KAZN: variants seen among roughly 807,000 people sequenced by gnomAD.
KAZN encodes kazrin.
A neutral mutation model predicts 87.4 loss-of-function variants in KAZN; 40 were observed. That is an observed-to-expected ratio of 0.46 (90% CI 0.36 to 0.60). The LOEUF (loss-of-function observed/expected upper bound fraction) is 0.60. KAZN is among the 20% of genes least tolerant of loss of function. KAZN has a pLI of 0.00. For missense variants in KAZN, 898 were observed against 1,073.9 expected (o/e 0.84, Z 2.29); for synonymous variants, 466 against 458.3 (o/e 1.02, Z -0.22).
In KAZN at chr1:15,089,997, C is replaced by T. The variant is rs960954034; in HGVS notation, c.1223-4183C>T. Among the ~76,000 whole-genome samples, 3 of 152,318 alleles carry T rather than the reference C, an allele frequency of 2.0e-5. No individual in the cohort carries two copies. The South Asian group carries it at 6.2e-4, about 32-fold the overall frequency. On this transcript the variant is annotated intron_variant, in intron 8 of 14. Coordinates refer to ENST00000376030, the MANE Select transcript of KAZN (RefSeq NM_201628.3). The stretch of plus-strand genomic sequence containing the variant: ...CATGAGTTCCCCTCCTTCGTGATTT[C>T]CCGGCTCTAATTCTTCTGGTTCTGA...
intron 1 of KAZN, among the ~76,000 whole-genome samples, chr1:14,899,254 G>A (rs763072311): frequency 6.6e-5 from 10 of 152,236 alleles, no homozygotes; most frequent in Non-Finnish European, 1.5e-4. Flanking sequence ...GGATGAGGGT[G>A]CCTGGAGACT....
intron 1 of KAZN, among the ~76,000 whole-genome samples, chr1:14,732,637 TCAAAA>T (rs1442431143): frequency 6.6e-6 from 1 of 152,148 alleles, no homozygotes; most frequent in Non-Finnish European, 1.5e-5. Flanking sequence ...AGACTCTGTC[TCAAAA>T]CAAAAGGAAA....
chr1:14,440,382 C>T (rs1230401507), intron 2 of KAZN, among the ~76,000 whole-genome samples: 1 of 152,146 alleles, frequency 6.6e-6, no homozygotes, highest in East Asian at 1.9e-4. Context: ...GAAATAAATT[C>T]TTTGCTGTAG....
chr1:14,719,675 C>T (rs1642991704), intron 1 of KAZN, among the ~76,000 whole-genome samples: 1 of 152,226 alleles, frequency 6.6e-6, no homozygotes, highest in Non-Finnish European at 1.5e-5. Flanking sequence ...TTTGTCTCTA[C>T]TAAAAATACA....
chr1:14,995,400 A>T (rs755454405), intron 2 of KAZN, among the ~76,000 whole-genome samples: 8 of 152,134 alleles, frequency 5.3e-5, no homozygotes, highest in Non-Finnish European at 1.2e-4. Flanking sequence ...GGCACGGTGG[A>T]TCACCTGAGG....
At chr1:15,027,098 T>C (rs868169790) in intron 2 of KAZN, among the ~76,000 whole-genome samples, 2,603 of 133,534 alleles carry the variant, frequency 0.019, 141 homozygotes, top group African/African-American at 0.071. Context: ...TTTTTTTTTT[T>C]TGAGACAGAG....
intron 2 of KAZN, among the ~76,000 whole-genome samples, chr1:14,345,067 C>T (rs796780544): frequency 6.6e-6 from 1 of 151,972 alleles, no homozygotes; most frequent in Admixed American, 6.6e-5. Context: ...TACAGGCACC[C>T]GCTACCACAC....
chr1:14,472,842 G>A (rs1331562963), intron 2 of KAZN, among the ~76,000 whole-genome samples: 2 of 152,028 alleles, frequency 1.3e-5, no homozygotes, highest in East Asian at 1.9e-4. Flanking sequence ...TATGTTCCAG[G>A]TGCTGTGCTG....
At chr1:14,760,356 G>A (rs1382883007) in intron 1 of KAZN, among the ~76,000 whole-genome samples, 2 of 152,142 alleles carry the variant, frequency 1.3e-5, no homozygotes, top group Non-Finnish European at 2.9e-5. Flanking sequence ...AATGTGCCAG[G>A]CGTGGAATTA....
chr1:15,076,945 G>A (rs1019849662), intron 8 of KAZN, among the ~76,000 whole-genome samples: 3 of 152,146 alleles, frequency 2.0e-5, no homozygotes, highest in Non-Finnish European at 2.9e-5. Context: ...TTTCAACTAC[G>A]CCACAAACTC....
intron 1 of KAZN, among the ~76,000 whole-genome samples, chr1:14,822,539 C>T (rs1019617905): frequency 2.6e-5 from 4 of 152,166 alleles, no homozygotes; most frequent in African/African-American, 9.7e-5. Context: ...GGGAGCCGCC[C>T]CTCTCTCAGC....
intron 1 of KAZN, among the ~76,000 whole-genome samples, chr1:14,806,597 C>G (rs1646231945): frequency 6.6e-6 from 1 of 152,120 alleles, no homozygotes; most frequent in Non-Finnish European, 1.5e-5. Context: ...TTGTCTGCCC[C>G]CATTCAGAAA....
chr1:14,249,172 C>G (rs1437216575), intron 2 of KAZN, among the ~76,000 whole-genome samples: 2 of 152,140 alleles, frequency 1.3e-5, no homozygotes, highest in Non-Finnish European at 2.9e-5. Flanking sequence ...TCCATGAGCA[C>G]CATGCAGCAG....
chr1:13,963,681 C>T (rs1047408335), intron 1 of KAZN, among the ~76,000 whole-genome samples: 3 of 151,916 alleles, frequency 2.0e-5, no homozygotes, highest in African/African-American at 7.3e-5. Context: ...CCATCATCTC[C>T]TCCATGAAAA....
At chr1:15,113,549 AAG>A (rs1338304912) in intron 14 of KAZN, 2 of 152,252 alleles carry the variant, frequency 1.3e-5, no homozygotes, top group African/African-American at 4.8e-5. Context: ...TGTGTGCAGT[AAG>A]AGAGAAGTAT....
At chr1:14,910,394 G>A (rs1176723815) in intron 1 of KAZN, among the ~76,000 whole-genome samples, 1 of 152,220 alleles carries the variant, frequency 6.6e-6, no homozygotes, top group East Asian at 1.9e-4. Context: ...GGTGTCTCTT[G>A]ATTCAGCCCA....
intron 1 of KAZN, among the ~76,000 whole-genome samples, chr1:14,668,172 G>C (rs911432451): frequency 6.6e-6 from 1 of 152,234 alleles, no homozygotes; most frequent in East Asian, 1.9e-4. Flanking sequence ...GAAAGTCTCC[G>C]AGAAACCTGG....
chr1:14,528,504 A>G (rs1205499180), intron 2 of KAZN, among the ~76,000 whole-genome samples: 1 of 151,894 alleles, frequency 6.6e-6, no homozygotes, highest in Non-Finnish European at 1.5e-5. Flanking sequence ...ACAGCCCCCG[A>G]CCAGTACAGT....
At position 14,532,609 on chromosome 1, in the gene KAZN, T is replaced by TCCCTCCC. The variant is rs1403152445; in HGVS notation, c.250-66363_250-66357dup. On this transcript the variant is annotated intron_variant, in intron 2 of 16. Coordinates refer to the KAZN transcript ENST00000636203. ...GCATTAGGTATATCTCCTAATGCTATCCCTCCCCCCTCCCCCCACCCCACA... is the reference window on the plus strand; with the variant it reads ...GCATTAGGTATATCTCCTAATGCTATCCCTCCCCCCTCCCCCCTCCCCCCACCCCACA... Among the ~76,000 whole-genome samples, 295 of 115,258 alleles carry TCCCTCCC rather than the reference T, an allele frequency of 2.6e-3. 2 individuals carry two copies. Among genetic ancestry groups the TCCCTCCC allele is most frequent in the African/African-American group, 9.6e-3 (275 of 28,750 alleles). 75.6% of individuals were successfully genotyped at this position (115,258 alleles called of 152,430 possible).
Sources: allele counts gnomAD v4.1 joint callset (sites outside exome capture counted in the v4.1 genomes callset), GRCh38; gene constraint gnomAD v4.1.1; transcripts MANE v1.5; gene names NCBI Gene and HGNC (gene_info 2026-07-23, HGNC 2026-07-21).